The following COL10A1 variants were observed in gnomAD, a reference collection of about 807,000 sequenced individuals.
The protein encoded by COL10A1 is collagen alpha-1(X) chain.
COL10A1 carries 10 observed loss-of-function variants against 18.2 expected under a neutral mutation model. The observed-to-expected ratio is 0.55, with a 90% CI of 0.34 to 0.93. The LOEUF is 0.93. COL10A1 is among the 40% of genes least tolerant of loss of function. The pLI is 0.02. For synonymous variants in COL10A1, 330 were observed against 316.6 expected (o/e 1.04, Z -0.45); for missense variants, 897 against 853.5 (o/e 1.05, Z -0.64).
intron 1 of COL10A1, among the ~76,000 whole-genome samples, chr6:116,152,855 T>A (rs1056093138): frequency 6.6e-6 from 1 of 152,132 alleles, no homozygotes; most frequent in Non-Finnish European, 1.5e-5. Flanking sequence ...TTTCTATAGT[T>A]ATATTGCCTC....
chr6:116,126,732 T>G (rs983201923), upstream of COL10A1, among the ~76,000 whole-genome samples: 1 of 152,190 alleles, frequency 6.6e-6, no homozygotes, highest in Non-Finnish European at 1.5e-5. Context: ...GGGTTTACTT[T>G]AGAGTTGCAG....
chr6:116,121,752 G>T lies in COL10A1; in HGVS notation c.364C>A (p.Pro122Thr). 1 of 1,613,828 alleles carries T rather than the reference G, an allele frequency of 6.2e-7. No homozygotes were observed. The highest frequency in any genetic ancestry group is 8.5e-7 in the Non-Finnish European group (1 of 1,179,946). ...CCAACATCTCCTTTTGGTCCATATG[G>T]TCCTCTCTCTCCTGGTTTTCCTGGG... ...GLPGKPGERG[P>T]YGPKGDVGPA... Residue 122 changes from proline (P) to threonine (T), a missense_variant, in exon 3 of 3, where the codon CCA becomes ACA. Physicochemically the swap from Pro to Thr is conservative, Grantham distance 38 (BLOSUM62 -1). Coordinates refer to ENST00000651968, the MANE Select transcript of COL10A1 (RefSeq NM_000493.4).
chr6:116,159,822 T>C (rs1303314873), upstream of COL10A1, among the ~76,000 whole-genome samples: 9 of 152,178 alleles, frequency 5.9e-5, no homozygotes, highest in African/African-American at 2.2e-4. Context: ...TATTTCCATC[T>C]TTATGTCCAT....
At chr6:116,173,677 A>C in the COL10A1 span, among the ~76,000 whole-genome samples, 1 of 152,142 alleles carries the variant, frequency 6.6e-6, no homozygotes, top group South Asian at 2.1e-4. Context: ...TAATTTATTT[A>C]TTTATTTTTT....
chr6:116,152,509 C>T (rs147965379), intron 1 of COL10A1, among the ~76,000 whole-genome samples: 126 of 152,258 alleles, frequency 8.3e-4, no homozygotes, highest in African/African-American at 2.8e-3. Flanking sequence ...GAATGAGGCA[C>T]GATGGGGTCT....
At chr6:116,145,988 C>G (rs934119357) in intron 1 of COL10A1, among the ~76,000 whole-genome samples, 2 of 152,182 alleles carry the variant, frequency 1.3e-5, no homozygotes, top group African/African-American at 4.8e-5. Flanking sequence ...AGAAATCTTT[C>G]CTTACTTACT....
the COL10A1 span, among the ~76,000 whole-genome samples, chr6:116,167,710 A>G: frequency 6.6e-6 from 1 of 152,188 alleles, no homozygotes; most frequent in African/African-American, 2.4e-5. Flanking sequence ...TGACTTGGGA[A>G]GTAGAGCTTT....
intron 1 of COL10A1, among the ~76,000 whole-genome samples, chr6:116,156,305 T>G (rs1311653414): frequency 6.6e-6 from 1 of 152,186 alleles, no homozygotes; most frequent in Non-Finnish European, 1.5e-5. Context: ...GTTTTTGGAG[T>G]TAAAAAAAAT....
At position 116,120,965 on chromosome 6, in the gene COL10A1, G is replaced by A. The variant is rs199843000; in HGVS notation, c.1151C>T (p.Ser384Leu). 1.8e-4 allele frequency: 288 copies of A among 1,613,658 alleles called. No homozygotes were observed. Among genetic ancestry groups the A allele is most frequent in the Middle Eastern group, 9.9e-4 (6 of 6,084 alleles). The change falls in exon 3 of 3, where the codon TCA becomes TTA. Residue 384 changes from serine to leucine, a missense_variant. Ser to Leu is a moderately radical substitution (Grantham distance 145). Transcript: ENST00000651968. ...GAKGERGSPG[S>L]DGKPGYPGKP... ...TCCTGGGTACCCTGGTTTTCCATCT[G>A]ACCCAGGGGAACCCCTTTCACCCTT...
intron 1 of COL10A1, chr6:116,137,529 G>A (rs919377556): frequency 4.7e-6 from 1 of 212,106 alleles, no homozygotes; most frequent in African/African-American, 2.3e-5. Flanking sequence ...GTATTTCACA[G>A]TCTCCTCAAA....
At chr6:116,163,126 CAA>C (rs71272373), upstream of COL10A1, among the ~76,000 whole-genome samples, 10 of 84,292 alleles carry the variant, frequency 1.2e-4, no homozygotes, top group East Asian at 5.5e-4. Context: ...GACTCCGTCT[CAA>C]AAAAAAAAAA....
rs61173324 is a variant in COL10A1 at position 116,155,093 on chromosome 6, C to T, written c.-16+3521G>A. 5.1e-3 allele frequency among the ~76,000 whole-genome samples: 771 copies of T among 152,154 alleles called. 7 individuals carry two copies. The highest frequency in any genetic ancestry group is 0.018 in the African/African-American group (750 of 41,500). The stretch of plus-strand genomic sequence containing the variant: ...TATTAGGCTGGTGCAAAAGTAATTG[C>T]GGTTTTTGCCATTACTTTCAATGGC... On this transcript the variant is annotated intron_variant, in intron 1 of 1. Transcript: ENST00000418500.
rs1012749144 is a variant in COL10A1, at chr6:116,119,997, A to G, written c.*76T>C. 8.2e-7 allele frequency: 1 copy of G among 1,213,186 alleles called. No individual in the cohort carries two copies. The highest frequency in any genetic ancestry group is 1.5e-5 in the African/African-American group (1 of 66,726). The allele number at this position is 1,213,186 out of a possible 1,614,324, so 75.2% of individuals were successfully genotyped here. A position where few individuals can be genotyped will look rare whatever the true frequency, so the allele number is the denominator to read the frequency against. On this transcript the variant is annotated 3_prime_UTR_variant, in exon 3 of 3. Transcript: ENST00000651968. ...ATTACATTCTTTTCAGCCTACCTCC[A>G]TATGCATTTTGTAGGGTGGGGTAGA...
chr6:116,164,744 T>C, the COL10A1 span, among the ~76,000 whole-genome samples: 2 of 152,176 alleles, frequency 1.3e-5, no homozygotes, highest in Non-Finnish European at 2.9e-5. Context: ...TTTGGTGTAC[T>C]GGTCTAGTGG....
In COL10A1 at chr6:116,136,506, AATG is replaced by A. The variant is rs1283413724; in HGVS notation, c.-15-11002_-15-11000del. On this transcript the variant is annotated intron_variant, in intron 1 of 1. Coordinates refer to the COL10A1 transcript ENST00000418500. ...GAAGAAAATGAAGCTTATTAAGTGGAATGACTCATCCAAGGTCATTTAGCTGGT... is the reference window on the plus strand; with the variant it reads ...GAAGAAAATGAAGCTTATTAAGTGGAACTCATCCAAGGTCATTTAGCTGGT... 8.5e-5 allele frequency among the ~76,000 whole-genome samples: 13 copies of A among 152,088 alleles called. No individual in the cohort carries two copies. In the South Asian group the frequency reaches 2.7e-3, roughly 32 times the overall value.
intron 1 of COL10A1, among the ~76,000 whole-genome samples, chr6:116,149,831 T>C (rs1191263805): frequency 6.6e-6 from 1 of 152,222 alleles, no homozygotes; most frequent in Non-Finnish European, 1.5e-5. Flanking sequence ...CTCCCTTCTT[T>C]AGAGGTGAGG....
upstream of COL10A1, among the ~76,000 whole-genome samples, chr6:116,129,077 A>G (rs1779398447): frequency 6.6e-6 from 1 of 152,070 alleles, no homozygotes; most frequent in Non-Finnish European, 1.5e-5. Context: ...TATTGTACCA[A>G]TTTACCTGTG....
chr6:116,120,512 G>A lies in COL10A1; in HGVS notation c.1604C>T (p.Ser535Phe). The change falls in exon 3 of 3, where the codon TCT (serine) becomes TTT (phenylalanine). Residue 535 changes from serine to phenylalanine, a missense_variant. Physicochemically the swap from Ser to Phe is radical, Grantham distance 155. Coordinates refer to ENST00000651968, the MANE Select transcript of COL10A1 (RefSeq NM_000493.4). The part of the protein sequence containing the change: ...FIKAGQRPSL[S>F]GTPLVSANQG... ...GTTGGCACTAACAAGAGGGGTCCCA[G>A]AAAGACTGGGCCTTTGGCCTGCCTT... is the stretch of plus-strand genomic sequence containing the variant. 6.2e-7 allele frequency: 1 copy of A among 1,614,228 alleles called. No individual in the cohort carries two copies. Among genetic ancestry groups the A allele is most frequent in the Non-Finnish European group, 8.5e-7 (1 of 1,180,030 alleles).
chr6:116,201,556 C>T, the COL10A1 span, among the ~76,000 whole-genome samples: 2 of 151,916 alleles, frequency 1.3e-5, no homozygotes, highest in Non-Finnish European at 2.9e-5. Flanking sequence ...GAGCATTTGC[C>T]AGAGTCAGGT....
Sources: gnomAD v4.1 joint callset for allele counts (sites outside exome capture counted in the v4.1 genomes callset) on GRCh38, gnomAD v4.1.1 for gene constraint, MANE v1.5 for transcripts, NCBI Gene and HGNC (gene_info 2026-07-23, HGNC 2026-07-21) for gene names.